The following ACTN1 variants were observed in gnomAD, a reference collection of about 807,000 sequenced individuals.
ACTN1 encodes alpha-actinin-1.
A neutral mutation model predicts 119.6 loss-of-function variants in ACTN1; 30 were observed. The observed-to-expected ratio is 0.25, with a 90% CI of 0.19 to 0.34. The LOEUF is 0.34. ACTN1 is among the 10% of genes least tolerant of loss of function. ACTN1 has a pLI of 1.00. For missense variants in ACTN1, 764 were observed against 1,223.4 expected (o/e 0.62, Z 5.60); for synonymous variants, 429 against 472.6 (o/e 0.91, Z 1.20).
intron 1 of ACTN1, among the ~76,000 whole-genome samples, chr14:68,931,629 A>G (rs2035225143): frequency 6.6e-6 from 1 of 152,016 alleles, no homozygotes; most frequent in Non-Finnish European, 1.5e-5. Flanking sequence ...ATGTGACTTG[A>G]CTTCTCCAAG....
chr14:68,904,567 G>C, intron 7 of ACTN1, 88 bp downstream of exon 7: 1 of 1,237,128 alleles, frequency 8.1e-7, no homozygotes, highest in East Asian at 2.3e-5. Context: ...CTCCCGTCCA[G>C]CCCCGGACTG....
At position 68,888,119 on chromosome 14, in the gene ACTN1, C is replaced by T. The variant is rs544980304; in HGVS notation, c.1234+2020G>A. On this transcript the variant is annotated intron_variant, in intron 11 of 21. Transcript: ENST00000394419. ...AGGGAGGGCGCGTGCCAGGTGTCTG[C>T]GGGCCGCGGCATGCTGACAGCCTTT... 33 of 604,938 alleles carry T rather than the reference C, an allele frequency of 5.5e-5. No individual in the cohort carries two copies. In the Middle Eastern group the frequency reaches 2.4e-3, roughly 44 times the overall value. The allele number at this position is 604,938 out of a possible 1,614,324, so 37.5% of individuals were successfully genotyped here.
At chr14:68,896,434 C>T (rs1164617085) in intron 8 of ACTN1, among the ~76,000 whole-genome samples, 4 of 152,072 alleles carry the variant, frequency 2.6e-5, no homozygotes, top group Non-Finnish European at 5.9e-5. Context: ...GACACGATCC[C>T]GGGAGCAGAA....
chr14:68,887,536 G>A (rs1355943659), intron 11 of ACTN1: 9 of 1,279,304 alleles, frequency 7.0e-6, no homozygotes, highest in Non-Finnish European at 8.3e-6. Context: ...GACAGTCAAA[G>A]CCTCCCATAA....
rs1405918313 is a variant in ACTN1, at chr14:68,874,217, A to G, written c.*642T>C. 6.6e-6 allele frequency: 1 copy of G among 152,358 alleles called. No individual in the cohort carries two copies. Among genetic ancestry groups the G allele is most frequent in the Non-Finnish European group, 1.5e-5 (1 of 68,040 alleles). The allele number at this position is 152,358 out of a possible 1,614,324, so 9.4% of individuals were successfully genotyped here. ...GTTTGTCCTATTTTTAATAGACAATATTAAAAATTTTTTAAGTGTGTGCTG... is the reference window on the plus strand; with the variant it reads ...GTTTGTCCTATTTTTAATAGACAATGTTAAAAATTTTTTAAGTGTGTGCTG... On this transcript the variant is annotated 3_prime_UTR_variant, in exon 22 of 22. Coordinates refer to ENST00000394419, the MANE Select transcript of ACTN1 (RefSeq NM_001130004.2).
chr14:68,898,042 G>A (rs1432969808), intron 8 of ACTN1, among the ~76,000 whole-genome samples: 2 of 152,242 alleles, frequency 1.3e-5, no homozygotes, highest in African/African-American at 4.8e-5. Context: ...AAACCTTGGT[G>A]GCCGGCAGTC....
intron 1 of ACTN1, among the ~76,000 whole-genome samples, chr14:68,965,000 A>G (rs1271769605): frequency 6.6e-6 from 1 of 152,236 alleles, no homozygotes; most frequent in African/African-American, 2.4e-5. Flanking sequence ...CACACTAGCC[A>G]GAACCCCAGC....
chr14:68,975,447 T>C (rs542999289), intron 1 of ACTN1, among the ~76,000 whole-genome samples: 2 of 152,254 alleles, frequency 1.3e-5, no homozygotes, highest in African/African-American at 4.8e-5. Context: ...TTTTTATAAG[T>C]AGGGAATTGG....
intron 1 of ACTN1, among the ~76,000 whole-genome samples, chr14:68,934,435 T>A (rs2035387803): frequency 6.6e-6 from 1 of 152,258 alleles, no homozygotes; most frequent in African/African-American, 2.4e-5. Flanking sequence ...GGTGTATTTG[T>A]CACTTATTAC....
chr14:68,979,108 G>A lies in ACTN1; in HGVS notation c.-52C>T. Reference sequence around the variant, plus strand: ...ATTTCTTCCTCCACCTTCTCTCTGAGCAACGGCTGCTGCCCTGGCGTGGGG... The same window carrying A: ...ATTTCTTCCTCCACCTTCTCTCTGAACAACGGCTGCTGCCCTGGCGTGGGG... On this transcript the variant is annotated 5_prime_UTR_variant, in exon 1 of 22. Coordinates refer to ENST00000394419, the MANE Select transcript of ACTN1 (RefSeq NM_001130004.2). The A allele has an allele frequency of 1.5e-6, 2 of 1,298,282 alleles. No individual in the cohort carries two copies. The highest frequency in any genetic ancestry group is 1.1e-6 in the Non-Finnish European group (1 of 918,210). The allele number at this position is 1,298,282 out of a possible 1,614,324, so 80.4% of individuals were successfully genotyped here.
Position 68,909,410 on chromosome 14 carries a change from G to A in ACTN1, c.516-14C>T, listed in dbSNP as rs757799844. On this transcript the variant is annotated splice_polypyrimidine_tract_variant and intron_variant, in intron 5 of 21. Coordinates refer to ENST00000394419, the MANE Select transcript of ACTN1 (RefSeq NM_001130004.2). This position sits in a 1 kb window ranked among gnomAD's most constrained non-coding sequence, Gnocchi z 4.1. ...CCATCCTTCCAGCTGCCCGGGGAGA[G>A]AGAAGAAGGAGCAGGCTGGTAAATG... 12 of 1,613,616 alleles carry A rather than the reference G, an allele frequency of 7.4e-6. No individual in the cohort carries two copies. In the Admixed American group the frequency reaches 1.0e-4, roughly 13 times the overall value.
chr14:68,964,386 G>A (rs139668295), intron 1 of ACTN1, among the ~76,000 whole-genome samples: 2 of 152,322 alleles, frequency 1.3e-5, no homozygotes, highest in African/African-American at 4.8e-5. Context: ...ACCAGAGAGG[G>A]GCCACTTCCC....
chr14:68,978,090 C>G (rs1027036381), intron 1 of ACTN1: 1 of 455,194 alleles, frequency 2.2e-6, no homozygotes, highest in Non-Finnish European at 4.4e-6. Flanking sequence ...GGGGCGCGCA[C>G]CCGGCACACC....
intron 2 of ACTN1, 156 bp from the exon 3 acceptor site, chr14:68,921,281 G>A (rs1238798431): frequency 4.7e-6 from 4 of 857,486 alleles, no homozygotes; most frequent in Non-Finnish European, 6.6e-6. Context: ...CTCAGGGGCT[G>A]GAGAATGTCA....
At chr14:68,881,707 T>C (rs540671804) in intron 16 of ACTN1, among the ~76,000 whole-genome samples, 10 of 152,094 alleles carry the variant, frequency 6.6e-5, no homozygotes, top group Non-Finnish European at 1.5e-4. Context: ...TCTTTCCTGA[T>C]CTGCTAAAGC....
Position 68,885,329 on chromosome 14 carries a change from C to T in ACTN1, c.1385+96G>A, listed in dbSNP as rs2031904511. 2 of 1,435,574 alleles carry T rather than the reference C, an allele frequency of 1.4e-6. No homozygotes were observed. The highest frequency in any genetic ancestry group is 2.3e-5 in the Admixed American group (1 of 42,618). The allele number at this position is 1,435,574 out of a possible 1,614,324, so 88.9% of individuals were successfully genotyped here. ...TGGGCACCCACCTGTACCCACCCTC[C>T]CCATCTTCCACGGCCACACCCCCAC... On this transcript the variant is annotated intron_variant, in intron 12 of 21. Transcript: ENST00000394419. The surrounding 1 kb of genome is among the most constrained non-coding windows in gnomAD (Gnocchi z 5.6).
chr14:68,976,592 C>T (rs775785336), intron 1 of ACTN1, among the ~76,000 whole-genome samples: 15 of 152,218 alleles, frequency 9.9e-5, no homozygotes, highest in Non-Finnish European at 2.1e-4. Flanking sequence ...CCATCAACCC[C>T]GCCCAAAGCA....
At chr14:68,939,252 C>T (rs1324362175) in intron 1 of ACTN1, among the ~76,000 whole-genome samples, 1 of 152,192 alleles carries the variant, frequency 6.6e-6, no homozygotes, top group African/African-American at 2.4e-5. Flanking sequence ...CTTAGCTCCT[C>T]GCCAATGAGA....
intron 1 of ACTN1, among the ~76,000 whole-genome samples, chr14:68,976,069 T>C (rs1416120289): frequency 1.3e-5 from 2 of 152,142 alleles, no homozygotes; most frequent in Non-Finnish European, 1.5e-5. Flanking sequence ...CAGTGCCCCA[T>C]CCCTAATACC....
Sources: allele counts gnomAD v4.1 joint callset (sites outside exome capture counted in the v4.1 genomes callset), GRCh38; gene constraint gnomAD v4.1.1; non-coding constraint Gnocchi (gnomAD v3.1); transcripts MANE v1.5; gene names NCBI Gene and HGNC (gene_info 2026-07-23, HGNC 2026-07-21).